Variants in MYO1H observed in about 807,000 individuals in gnomAD.
The protein encoded by MYO1H is myosin IH, also known as unconventional myosin-Ih.
A neutral mutation model predicts 149.3 loss-of-function variants in MYO1H; 118 were observed. That is an observed-to-expected ratio of 0.79 (90% CI 0.68 to 0.92). The LOEUF (loss-of-function observed/expected upper bound fraction) is 0.92. MYO1H is among the 40% of genes least tolerant of loss of function. The pLI, the probability that MYO1H is intolerant of heterozygous loss-of-function variation, is 0.00. For missense variants in MYO1H, 1,212 were observed against 1,280.7 expected, an observed-to-expected ratio of 0.95 and a Z score of 0.82; for synonymous variants, 447 against 465.2, an observed-to-expected ratio of 0.96 and a Z score of 0.50.
intron 19 of MYO1H, among the ~76,000 whole-genome samples, chr12:109,432,145 G>A (rs1042908535): frequency 6.6e-6 from 1 of 151,818 alleles, no homozygotes; most frequent in Non-Finnish European, 1.5e-5. Flanking sequence ...GGGACTACAG[G>A]TGCCCGCCAC....
At chr12:109,392,665 G>A (rs953567972) in intron 2 of MYO1H, among the ~76,000 whole-genome samples, 5 of 151,792 alleles carry the variant, frequency 3.3e-5, no homozygotes, top group South Asian at 4.2e-4. Context: ...GCAATGAGCC[G>A]AGATCGAGCC....
chr12:109,419,614 C>T (rs1422374874), intron 15 of MYO1H, among the ~76,000 whole-genome samples: 5 of 152,062 alleles, frequency 3.3e-5, no homozygotes, highest in African/African-American at 1.2e-4. Flanking sequence ...AGTGCGCAAT[C>T]GTGGCTCACT....
rs576679206 is a variant in MYO1H at position 109,370,098 on chromosome 12, C to G, written c.13-18585C>G. ...CTCCCACCATGTCCCTCCCATGACA[C>G]ATGGGAATTGTGGGAGCTACAACTC... is the stretch of plus-strand genomic sequence containing the variant. On this transcript the variant is annotated intron_variant, in intron 1 of 31. Coordinates refer to ENST00000310903, the Ensembl canonical transcript of MYO1H. Among the ~76,000 whole-genome samples, 4 of 152,292 alleles carry G rather than the reference C, an allele frequency of 2.6e-5. No homozygotes were observed. In the East Asian group the frequency reaches 7.7e-4, roughly 29 times the overall value.
chr12:109,409,678 G>A, intron 11 of MYO1H, 54 bp downstream of exon 11: 3 of 1,398,362 alleles, frequency 2.1e-6, no homozygotes, highest in South Asian at 1.2e-5. Context: ...TAAGATTTCA[G>A]TCGAGATTTA....
intron 14 of MYO1H, among the ~76,000 whole-genome samples, chr12:109,413,520 A>G (rs1870763435): frequency 6.6e-6 from 1 of 152,218 alleles, no homozygotes. Context: ...AAGAATGGAA[A>G]AATAAATTGG....
exon 16 of MYO1H, chr12:109,421,001 G>A (rs1457048983): frequency 6.3e-7 from 1 of 1,587,992 alleles, no homozygotes; most frequent in Non-Finnish European, 8.6e-7. Flanking sequence ...AAAAAACAAT[G>A]ATCTTCTTTA....
chr12:109,361,454 C>T (rs777350135), intron 1 of MYO1H, among the ~76,000 whole-genome samples: 10 of 152,168 alleles, frequency 6.6e-5, no homozygotes, highest in Non-Finnish European at 1.5e-4. Flanking sequence ...AAAGTGAAAG[C>T]ATCTAGATGA....
rs561533373 is a variant in MYO1H, at chr12:109,439,299, G to A, written c.2295-332G>A. Among the ~76,000 whole-genome samples the A allele has an allele frequency of 1.8e-4, 27 of 152,236 alleles. 3 individuals carry two copies. The highest frequency in any genetic ancestry group is 3.4e-3 in the Middle Eastern group (1 of 292). Reference sequence around the variant, plus strand: ...TCACCATGTTGGTCAGGCTAGTCTCGAATTCTTGACCTCAAATGATCCGCC... The same window carrying A: ...TCACCATGTTGGTCAGGCTAGTCTCAAATTCTTGACCTCAAATGATCCGCC... On this transcript the variant is annotated intron_variant, in intron 23 of 31. Coordinates refer to ENST00000310903, the Ensembl canonical transcript of MYO1H.
At chr12:109,399,182 T>C (rs1490394745) in intron 5 of MYO1H, among the ~76,000 whole-genome samples, 1 of 152,068 alleles carries the variant, frequency 6.6e-6, no homozygotes, top group Non-Finnish European at 1.5e-5. Context: ...TATTTGAAAA[T>C]TTTTTTGAAA....
the MYO1H span, among the ~76,000 whole-genome samples, chr12:109,326,809 A>G: frequency 1.6e-4 from 24 of 152,066 alleles, no homozygotes; most frequent in African/African-American, 5.3e-4. Context: ...ATGTGCCACC[A>G]TACCCGGTCT....
chr12:109,354,801 AAT>A (rs1868550650), intron 1 of MYO1H, among the ~76,000 whole-genome samples: 1 of 152,090 alleles, frequency 6.6e-6, no homozygotes, highest in Non-Finnish European at 1.5e-5. Context: ...GACAGAAAAA[AAT>A]ATGTTTCTTC....
intron 6 of MYO1H, 133 bp downstream of exon 6, chr12:109,401,405 T>C (rs1592794820): frequency 2.3e-6 from 2 of 880,056 alleles, no homozygotes; most frequent in Admixed American, 3.0e-5. Context: ...GATTTCTCCA[T>C]ATATATATCA....
At chr12:109,429,627 A>G (rs1871525811) in intron 19 of MYO1H, among the ~76,000 whole-genome samples, 1 of 152,146 alleles carries the variant, frequency 6.6e-6, no homozygotes, top group Non-Finnish European at 1.5e-5. Flanking sequence ...TTTTGTATCC[A>G]TGGGGGTCCT....
At chr12:109,332,684 C>T in the MYO1H span, among the ~76,000 whole-genome samples, 1 of 152,198 alleles carries the variant, frequency 6.6e-6, no homozygotes. Flanking sequence ...CTCAGGTGAT[C>T]CTCTTGCCTC....
chr12:109,350,839 C>T (rs997383909), intron 1 of MYO1H, among the ~76,000 whole-genome samples: 1 of 152,034 alleles, frequency 6.6e-6, no homozygotes, highest in African/African-American at 2.4e-5. Flanking sequence ...CAAGAAGTAA[C>T]AAAAATAATA....
chr12:109,332,854 A>G, the MYO1H span, among the ~76,000 whole-genome samples: 1 of 152,188 alleles, frequency 6.6e-6, no homozygotes, highest in Admixed American at 6.5e-5. Context: ...AGGTGCTAGG[A>G]TTACAGGCGT....
At chr12:109,324,579 G>C in the MYO1H span, among the ~76,000 whole-genome samples, 1 of 152,150 alleles carries the variant, frequency 6.6e-6, no homozygotes, top group Non-Finnish European at 1.5e-5. Context: ...ATTGATATTA[G>C]GGTCTAAAAT....
intron 19 of MYO1H, among the ~76,000 whole-genome samples, chr12:109,430,986 T>G (rs1400639838): frequency 7.6e-5 from 11 of 144,492 alleles, no homozygotes; most frequent in Non-Finnish European, 1.4e-4. Flanking sequence ...ACGTGGGAGG[T>G]GGAGCTTGCA....
chr12:109,367,714 G>C (rs1181121184), intron 1 of MYO1H, among the ~76,000 whole-genome samples: 51 of 151,880 alleles, frequency 3.4e-4, no homozygotes, highest in Non-Finnish European at 4.4e-5. Context: ...ACCACACCCG[G>C]CTAATTTTTT....
Sources: gnomAD v4.1 joint callset for allele counts (sites outside exome capture counted in the v4.1 genomes callset) on GRCh38, gnomAD v4.1.1 for gene constraint, MANE v1.5 for transcripts, NCBI Gene and HGNC (gene_info 2026-07-23, HGNC 2026-07-21) for gene names.